Variants in SVIL observed in about 807,000 individuals in gnomAD.
SVIL encodes the protein supervillin, also known as archvillin.
SVIL carries 101 observed loss-of-function variants against 240.4 expected under a neutral mutation model. The ratio of observed to expected loss-of-function variants is 0.42; its 90% CI spans 0.36 to 0.50. The LOEUF (loss-of-function observed/expected upper bound fraction) is 0.50. SVIL is among the 20% of genes least tolerant of loss of function. The pLI is 0.01. For synonymous variants in SVIL, 999 were observed against 1,100.0 expected, an observed-to-expected ratio of 0.91 and a Z score of 1.82; for missense variants, 2,512 against 2,818.7, an observed-to-expected ratio of 0.89 and a Z score of 2.46.
intron 18 of SVIL, among the ~76,000 whole-genome samples, chr10:29,497,431 A>G (rs1948530633): frequency 6.6e-6 from 1 of 152,224 alleles, no homozygotes; most frequent in East Asian, 1.9e-4. Flanking sequence ...CATTTCCTGC[A>G]GGATATGAAA....
chr10:29,624,518 T>C (rs576625757), intron 1 of SVIL, among the ~76,000 whole-genome samples: 1 of 152,166 alleles, frequency 6.6e-6, no homozygotes, highest in Non-Finnish European at 1.5e-5. Flanking sequence ...GGCGACAGAG[T>C]GAGACTTCGT....
Position 29,462,410 on chromosome 10 carries a change from A to G in SVIL, c.6278-9T>C, listed in dbSNP as rs760882068. ...TTTCTTGAGATTTTTTCCTGTAGTT[A>G]CACAGATTGCAATGTCAGTAGACCC... is the stretch of plus-strand genomic sequence containing the variant. On this transcript the variant is annotated splice_polypyrimidine_tract_variant and intron_variant, in intron 35 of 37. Coordinates refer to ENST00000355867, the MANE Select transcript of SVIL (RefSeq NM_021738.3). The G allele has an allele frequency of 2.4e-5, 39 of 1,613,588 alleles. No homozygotes were observed. Among genetic ancestry groups the G allele is most frequent in the Admixed American group, 3.3e-5 (2 of 59,906 alleles).
At chr10:29,549,273 G>A (rs1280098322) in intron 6 of SVIL, among the ~76,000 whole-genome samples, 4 of 145,886 alleles carry the variant, frequency 2.7e-5, no homozygotes, top group African/African-American at 1.0e-4. Flanking sequence ...ATGAAAAAAT[G>A]CTCACCATCA....
At chr10:29,520,886 T>C (rs1046743166) in intron 16 of SVIL, among the ~76,000 whole-genome samples, 2 of 148,316 alleles carry the variant, frequency 1.3e-5, no homozygotes. Context: ...CATTGCACTC[T>C]AGTCTGGGCA....
intron 2 of SVIL, among the ~76,000 whole-genome samples, chr10:29,567,248 G>A (rs909510429): frequency 2.0e-5 from 3 of 152,174 alleles, no homozygotes; most frequent in Non-Finnish European, 2.9e-5. Context: ...TTATTAAAGG[G>A]AGAGCAGGAT....
At chr10:29,567,832 C>A (rs28719139) in intron 2 of SVIL, among the ~76,000 whole-genome samples, 1 of 151,838 alleles carries the variant, frequency 6.6e-6, no homozygotes, top group South Asian at 2.1e-4. Flanking sequence ...CTGGCTAACA[C>A]GGTGAAACCC....
At chr10:29,649,175 G>T (rs1311120752) in intron 3 of SVIL, among the ~76,000 whole-genome samples, 1 of 151,944 alleles carries the variant, frequency 6.6e-6, no homozygotes, top group Non-Finnish European at 1.5e-5. Flanking sequence ...ATAAATAAAA[G>T]CAGGGTTTCT....
intron 22 of SVIL, 51 bp from the exon 23 acceptor site, chr10:29,488,807 C>T: frequency 1.9e-6 from 3 of 1,558,792 alleles, no homozygotes; most frequent in African/African-American, 1.4e-5. Flanking sequence ...GTTACAGTGA[C>T]AATATTTACA....
chr10:29,550,646 G>A lies in SVIL; in HGVS notation c.778C>T (p.Arg260Trp), dbSNP rs771972962. 53 of 1,613,608 alleles carry A rather than the reference G, an allele frequency of 3.3e-5. No homozygotes were observed. Among genetic ancestry groups the A allele is most frequent in the Admixed American group, 1.7e-4 (10 of 59,970 alleles). Residue 260 changes from arginine to tryptophan, a missense_variant, in exon 6 of 38, where the codon CGG becomes TGG. This residue lies in a region of SVIL where 1,443 missense variants were observed against 1,486.6 expected (regional missense o/e 0.97). Coordinates refer to ENST00000355867, the MANE Select transcript of SVIL (RefSeq NM_021738.3). ...TGTGGGTCACCAAAGGAGGGGCTCCGGGAGGCTGCCTGCTGCAGGGAGGAG... is the reference window on the plus strand; with the variant it reads ...TGTGGGTCACCAAAGGAGGGGCTCCAGGAGGCTGCCTGCTGCAGGGAGGAG... ...HSSSLQQAAS[R>W]SPSFGDPQLS... is the part of the protein sequence containing the mutation.
At chr10:29,461,464 T>G (rs942990541) in intron 36 of SVIL, among the ~76,000 whole-genome samples, 32 of 152,150 alleles carry the variant, frequency 2.1e-4, no homozygotes, top group African/African-American at 7.7e-4. Flanking sequence ...CAGAAGTAGA[T>G]TCTGTTTGTT....
At position 29,584,600 on chromosome 10, in the gene SVIL, G is replaced by C. The variant is rs559627990; in HGVS notation, c.-200-15288C>G. Among the ~76,000 whole-genome samples, 968 of 152,324 alleles carry C rather than the reference G, an allele frequency of 6.4e-3. 8 individuals carry two copies. Among genetic ancestry groups the C allele is most frequent in the South Asian group, 0.013 (63 of 4,832 alleles). On this transcript the variant is annotated intron_variant, in intron 1 of 37. Coordinates refer to ENST00000355867, the MANE Select transcript of SVIL (RefSeq NM_021738.3). ...TGCCACTGGACTCTCTCCCCTGTAT[G>C]CAAGCCCACAACAGAACCCCGTGCC...
In SVIL at chr10:29,532,881, C is replaced by T. The variant is rs761079560; in HGVS notation, c.1486G>A (p.Val496Met). The T allele has an allele frequency of 1.4e-5, 23 of 1,613,972 alleles. No individual in the cohort carries two copies. Among genetic ancestry groups the T allele is most frequent in the Middle Eastern group, 1.6e-4 (1 of 6,084 alleles). ...TLEHQKELEN[V>M]AQPPQAPHQP... The stretch of plus-strand genomic sequence containing the variant: ...TGCGGAGCTTGAGGGGGTTGTGCCA[C>T]GTTTTCCAGTTCCTTCTGATGCTCT... The change falls in exon 8 of 38, where the codon GTG becomes ATG. Residue 496 changes from valine (V) to methionine (M), a missense_variant. Transcript: ENST00000355867.
chr10:29,700,468 C>CTTTTTTTT (rs71281545), intron 1 of SVIL, among the ~76,000 whole-genome samples: 2 of 113,126 alleles, frequency 1.8e-5, no homozygotes, highest in South Asian at 3.0e-4. Flanking sequence ...TTACTATTTC[C>CTTTTTTTT]TTTTTTTTTT....
intron 1 of SVIL, among the ~76,000 whole-genome samples, chr10:29,586,906 G>A (rs111361251): frequency 2.7e-4 from 41 of 152,242 alleles, no homozygotes; most frequent in African/African-American, 7.9e-4. Flanking sequence ...TGGAGGGTGG[G>A]AGGAGGGAGA....
intron 29 of SVIL, among the ~76,000 whole-genome samples, chr10:29,477,939 T>C (rs1303501437): frequency 6.6e-6 from 1 of 152,280 alleles, no homozygotes; most frequent in African/African-American, 2.4e-5. Context: ...TAATTCACTT[T>C]AACAGTTTTA....
chr10:29,503,758 G>A (rs1368384695), intron 17 of SVIL, among the ~76,000 whole-genome samples: 2 of 152,162 alleles, frequency 1.3e-5, no homozygotes, highest in African/African-American at 2.4e-5. Flanking sequence ...ACTCAATTTT[G>A]TTAAGATGGC....
At chr10:29,653,769 T>G (rs968968221) in intron 3 of SVIL, among the ~76,000 whole-genome samples, 4 of 152,176 alleles carry the variant, frequency 2.6e-5, no homozygotes, top group African/African-American at 9.7e-5. Context: ...GATATACAGT[T>G]TCCCCAGTAC....
chr10:29,543,711 A>C (rs1446917035), intron 6 of SVIL, among the ~76,000 whole-genome samples: 1 of 151,784 alleles, frequency 6.6e-6, no homozygotes, highest in African/African-American at 2.4e-5. Flanking sequence ...TGCCTCCTTT[A>C]GTCATCAAAC....
At chr10:29,563,863 C>T (rs1208484824) in intron 2 of SVIL, among the ~76,000 whole-genome samples, 2 of 142,576 alleles carry the variant, frequency 1.4e-5, no homozygotes, top group Non-Finnish European at 3.1e-5. Flanking sequence ...TGGACTTTCC[C>T]CCATGTATCT....
Sources: gnomAD v4.1 joint callset for allele counts (sites outside exome capture counted in the v4.1 genomes callset) on GRCh38, gnomAD v4.1.1 for gene constraint, gnomAD v4.1.1 regional missense constraint, MANE v1.5 for transcripts, NCBI Gene and HGNC (gene_info 2026-07-23, HGNC 2026-07-21) for gene names.